EDIL3: variants seen among roughly 807,000 people sequenced by gnomAD.
EDIL3 encodes EGF-like repeat and discoidin I-like domain-containing protein 3.
In EDIL3, 37 loss-of-function variants were observed where a neutral mutation model predicts 67.4. The observed-to-expected ratio is 0.55, with a 90% CI of 0.42 to 0.72. EDIL3 has a LOEUF of 0.72. EDIL3 is among the 30% of genes least tolerant of loss of function. The pLI, the probability that EDIL3 is intolerant of heterozygous loss-of-function variation, is 0.00. For synonymous variants in EDIL3, 195 were observed against 196.3 expected, an observed-to-expected ratio of 0.99 and a Z score of 0.05; for missense variants, 527 against 586.3, an observed-to-expected ratio of 0.90 and a Z score of 1.04.
intron 4 of EDIL3, 41 bp from the exon 5 acceptor site, chr5:84,137,395 A>T (rs1748112607): frequency 6.5e-7 from 1 of 1,543,148 alleles, no homozygotes; most frequent in Non-Finnish European, 8.9e-7. Flanking sequence ...AATTATTGGT[A>T]AAAAATGATT....
intron 2 of EDIL3, among the ~76,000 whole-genome samples, chr5:84,251,203 C>A (rs182245118): frequency 6.6e-6 from 1 of 152,258 alleles, no homozygotes; most frequent in Non-Finnish European, 1.5e-5. Flanking sequence ...ACCTCTGCCT[C>A]CTGGGTTCAA....
chr5:84,018,603 C>T (rs1439122712), intron 9 of EDIL3, among the ~76,000 whole-genome samples: 2 of 152,300 alleles, frequency 1.3e-5, no homozygotes, highest in East Asian at 3.9e-4. Flanking sequence ...TTGTGATGGT[C>T]CCTGTCTTCA....
At chr5:84,246,267 G>A (rs893074125) in intron 2 of EDIL3, among the ~76,000 whole-genome samples, 3 of 152,172 alleles carry the variant, frequency 2.0e-5, no homozygotes, top group African/African-American at 7.2e-5. Flanking sequence ...GAGGCAAGCC[G>A]AGATTTGAAA....
chr5:84,105,325 G>C (rs1041803169), intron 6 of EDIL3, among the ~76,000 whole-genome samples: 1 of 151,932 alleles, frequency 6.6e-6, no homozygotes, highest in Non-Finnish European at 1.5e-5. Flanking sequence ...TACAAAACAA[G>C]AACTTCAGGC....
chr5:84,379,731 C>T (rs1426725904), intron 1 of EDIL3, among the ~76,000 whole-genome samples: 2 of 152,022 alleles, frequency 1.3e-5, no homozygotes, highest in African/African-American at 4.8e-5. Flanking sequence ...AAGTTAAAAT[C>T]CTATGGTAGA....
intron 9 of EDIL3, among the ~76,000 whole-genome samples, chr5:84,030,299 G>A (rs535617655): frequency 6.8e-4 from 103 of 152,210 alleles, no homozygotes; most frequent in Non-Finnish European, 1.0e-3. Context: ...TAAAACATAA[G>A]TTCTTTAAAA....
At chr5:84,229,285 T>A (rs1399014851) in intron 3 of EDIL3, among the ~76,000 whole-genome samples, 1 of 152,184 alleles carries the variant, frequency 6.6e-6, no homozygotes, top group East Asian at 1.9e-4. Context: ...GTTTGATAAA[T>A]ACTAATTAGC....
intron 1 of EDIL3, among the ~76,000 whole-genome samples, chr5:84,281,560 G>A (rs1057083141): frequency 6.6e-6 from 1 of 152,138 alleles, no homozygotes; most frequent in African/African-American, 2.4e-5. Flanking sequence ...TGGTTTGTGG[G>A]TGACATCTGT....
intron 2 of EDIL3, among the ~76,000 whole-genome samples, chr5:84,235,598 T>C (rs1744665924): frequency 6.6e-6 from 1 of 152,066 alleles, no homozygotes. Context: ...ATTACATCCG[T>C]AGTTTTCAAA....
chr5:84,194,926 T>G (rs1743672206), intron 3 of EDIL3, among the ~76,000 whole-genome samples: 1 of 151,922 alleles, frequency 6.6e-6, no homozygotes, highest in Admixed American at 6.6e-5. Flanking sequence ...GATAAAAAAA[T>G]TACACTTTAA....
intron 8 of EDIL3, among the ~76,000 whole-genome samples, chr5:84,061,821 C>T (rs755197358): frequency 4.6e-5 from 7 of 152,142 alleles, no homozygotes; most frequent in Admixed American, 3.9e-4. Context: ...CAAATATCAG[C>T]ATATCAACAA....
intron 9 of EDIL3, among the ~76,000 whole-genome samples, chr5:84,048,669 T>A (rs2301089): frequency 0.19 from 28,400 of 151,944 alleles, 2,973 homozygotes; most frequent in East Asian, 0.28. Context: ...TTATGAAATC[T>A]GAAAAACGTT....
At chr5:84,129,853 C>T (rs1487888821) in intron 5 of EDIL3, among the ~76,000 whole-genome samples, 1 of 152,000 alleles carries the variant, frequency 6.6e-6, no homozygotes, top group African/African-American at 2.4e-5. Flanking sequence ...CAGATCACAA[C>T]CCCAAATGAA....
intron 6 of EDIL3, among the ~76,000 whole-genome samples, chr5:84,097,266 G>A (rs185683488): frequency 6.6e-6 from 1 of 152,134 alleles, no homozygotes; most frequent in Admixed American, 6.6e-5. Flanking sequence ...TTTTCTCAGT[G>A]ATAAAATACT....
At chr5:84,164,503 C>A (rs1748669868) in intron 4 of EDIL3, among the ~76,000 whole-genome samples, 2 of 151,988 alleles carry the variant, frequency 1.3e-5, no homozygotes, top group African/African-American at 4.8e-5. Flanking sequence ...TGTAAAATAG[C>A]CATATATCCC....
chr5:84,007,282 T>C (rs1220894383), intron 9 of EDIL3, among the ~76,000 whole-genome samples: 1 of 152,094 alleles, frequency 6.6e-6, no homozygotes, highest in Non-Finnish European at 1.5e-5. Flanking sequence ...TTGGATCCCA[T>C]TGAGTTAAAA....
chr5:83,982,568 A>G (rs1744988179), intron 9 of EDIL3, among the ~76,000 whole-genome samples: 1 of 152,068 alleles, frequency 6.6e-6, no homozygotes, highest in African/African-American at 2.4e-5. Flanking sequence ...TGAGGATCAC[A>G]TATTTTTGTA....
Position 83,942,768 on chromosome 5 carries a change from A to G in EDIL3, c.*651T>C, listed in dbSNP as rs889839407. 1 of 152,090 alleles carries G rather than the reference A, an allele frequency of 6.6e-6. No homozygotes were observed. Among genetic ancestry groups the G allele is most frequent in the Non-Finnish European group, 1.5e-5 (1 of 67,984 alleles). 9.4% of individuals were successfully genotyped at this position (152,090 alleles called of 1,614,324 possible). A position where few individuals can be genotyped will look rare whatever the true frequency, so the allele number is the denominator to read the frequency against. ...CTAATAGGAAATTCAATTAGAAAAA[A>G]ATTGAATTATTCAGGTAATATACAA... On this transcript the variant is annotated 3_prime_UTR_variant, in exon 11 of 11. Transcript: ENST00000296591.
intron 5 of EDIL3, among the ~76,000 whole-genome samples, chr5:84,116,970 G>A (rs932917622): frequency 1.4e-5 from 2 of 147,210 alleles, no homozygotes; most frequent in East Asian, 2.0e-4. Context: ...TTTATTGTAC[G>A]TAATAATAAA....
Sources: gnomAD v4.1 joint callset for allele counts (sites outside exome capture counted in the v4.1 genomes callset) on GRCh38, gnomAD v4.1.1 for gene constraint, MANE v1.5 for transcripts, NCBI Gene and HGNC (gene_info 2026-07-23, HGNC 2026-07-21) for gene names.